The following CAMTA1 variants were observed in gnomAD, a reference collection of about 807,000 sequenced individuals.
CAMTA1 encodes calmodulin binding transcription activator 1.
CAMTA1 carries 27 observed loss-of-function variants against 170.9 expected under a neutral mutation model. The ratio of observed to expected loss-of-function variants is 0.16; its 90% CI spans 0.12 to 0.22. CAMTA1 has a LOEUF of 0.22. Among genes scored for constraint, CAMTA1 ranks in the 10% least tolerant of loss-of-function variants. The pLI is 1.00. For synonymous variants in CAMTA1, 833 were observed against 891.5 expected (o/e 0.93, Z 1.17); for missense variants, 1,619 against 2,217.2 (o/e 0.73, Z 5.42).
At chr1:6,847,544 T>G (rs1025903321) in intron 3 of CAMTA1, among the ~76,000 whole-genome samples, 4 of 137,786 alleles carry the variant, frequency 2.9e-5, no homozygotes, top group Admixed American at 2.2e-4. Flanking sequence ...TTAAATTTTG[T>G]TTTTTTTTTT....
intron 3 of CAMTA1, among the ~76,000 whole-genome samples, chr1:6,923,134 GCACT>G (rs1198307537): frequency 9.9e-5 from 15 of 152,146 alleles, no homozygotes; most frequent in African/African-American, 2.7e-4. Flanking sequence ...TGAATTGCAG[GCACT>G]CACTCTTCAT....
At chr1:7,621,940 C>G (rs80114850) in intron 6 of CAMTA1, among the ~76,000 whole-genome samples, 1 of 152,198 alleles carries the variant, frequency 6.6e-6, no homozygotes, top group African/African-American at 2.4e-5. Context: ...GATAGTGAGG[C>G]GTCTTCTCTG....
intron 6 of CAMTA1, among the ~76,000 whole-genome samples, chr1:7,477,980 T>C (rs1327467242): frequency 2.0e-5 from 3 of 152,260 alleles, no homozygotes; most frequent in African/African-American, 7.2e-5. Flanking sequence ...CAAGTGACTC[T>C]GGCCAACTGA....
chr1:7,694,876 T>G (rs1042304445), intron 11 of CAMTA1: 3 of 152,182 alleles, frequency 2.0e-5, no homozygotes, highest in Admixed American at 1.3e-4. Context: ...CAGGGATCTC[T>G]GAGCCAGGGC....
chr1:7,499,651 G>A (rs530824027), intron 6 of CAMTA1, among the ~76,000 whole-genome samples: 1 of 146,170 alleles, frequency 6.8e-6, no homozygotes, highest in African/African-American at 2.6e-5. Flanking sequence ...GAGTGCATGT[G>A]TATGTGAGTG....
At chr1:7,421,442 C>T (rs1431620158) in intron 5 of CAMTA1, among the ~76,000 whole-genome samples, 5 of 152,234 alleles carry the variant, frequency 3.3e-5, no homozygotes, top group African/African-American at 1.2e-4. Context: ...GTGTGAGCCA[C>T]TATGCCCAGC....
In CAMTA1 at chr1:6,825,051, A is replaced by G. The variant is rs750328495; in HGVS notation, c.116-41A>G. ...GTCAGTGTACTTTAAAGGAGATTTTATCTATTATTTTCTCTAAATTTATTG... is the reference window on the plus strand; with the variant it reads ...GTCAGTGTACTTTAAAGGAGATTTTGTCTATTATTTTCTCTAAATTTATTG... On this transcript the variant is annotated intron_variant, in intron 2 of 22. Transcript: ENST00000303635. The G allele has an allele frequency of 1.5e-5, 18 of 1,172,328 alleles. No individual in the cohort carries two copies. The East Asian group carries it at 3.6e-4, about 23-fold the overall frequency. 72.6% of individuals were successfully genotyped at this position (1,172,328 alleles called of 1,614,324 possible). A position where few individuals can be genotyped will look rare whatever the true frequency, so the allele number is the denominator to read the frequency against.
intron 5 of CAMTA1, among the ~76,000 whole-genome samples, chr1:7,324,863 G>T (rs770806061): frequency 8.6e-5 from 13 of 151,370 alleles, no homozygotes; most frequent in Non-Finnish European, 1.6e-4. Context: ...ATTTTTCAAT[G>T]GTTACCTTAG....
At chr1:7,598,949 T>C (rs1357217241) in intron 6 of CAMTA1, among the ~76,000 whole-genome samples, 1 of 151,928 alleles carries the variant, frequency 6.6e-6, no homozygotes, top group South Asian at 2.1e-4. Context: ...TTTAATGAGA[T>C]CCCATTTGTC....
intron 3 of CAMTA1, among the ~76,000 whole-genome samples, chr1:6,889,483 G>A (rs1051008330): frequency 6.6e-6 from 1 of 152,260 alleles, no homozygotes; most frequent in African/African-American, 2.4e-5. Flanking sequence ...TCAGAGGGAT[G>A]TGGGGAGTAA....
At chr1:6,845,868 A>C (rs943013748) in intron 3 of CAMTA1, among the ~76,000 whole-genome samples, 3 of 152,226 alleles carry the variant, frequency 2.0e-5, no homozygotes, top group Admixed American at 2.0e-4. Flanking sequence ...GACATACCTG[A>C]GACTGGATAA....
chr1:6,830,753 A>G (rs1226367601), intron 3 of CAMTA1, among the ~76,000 whole-genome samples: 1 of 152,144 alleles, frequency 6.6e-6, no homozygotes, highest in African/African-American at 2.4e-5. Context: ...ACTACCTCCA[A>G]AATCAAGACA....
intron 5 of CAMTA1, among the ~76,000 whole-genome samples, chr1:7,360,844 C>T (rs705672): frequency 0.63 from 95,612 of 152,136 alleles, 31,870 homozygotes; most frequent in Non-Finnish European, 0.75. Flanking sequence ...GAGTTGCCTG[C>T]ACCAATTGGC....
At chr1:7,479,910 T>C (rs1251496519) in intron 6 of CAMTA1, among the ~76,000 whole-genome samples, 1 of 144,760 alleles carries the variant, frequency 6.9e-6, no homozygotes, top group Non-Finnish European at 1.5e-5. Flanking sequence ...TATGTGTGTG[T>C]GCATGTGTGT....
At chr1:7,335,124 T>TTGTGTG (rs577353689) in intron 5 of CAMTA1, among the ~76,000 whole-genome samples, 341 of 19,050 alleles carry the variant, frequency 0.018, 40 homozygotes, top group Middle Eastern at 0.033. Flanking sequence ...AGCACAGCTT[T>TTGTGTG]TGTGTGTGTG....
chr1:7,409,937 C>T (rs142722460), intron 5 of CAMTA1, among the ~76,000 whole-genome samples: 148 of 152,008 alleles, frequency 9.7e-4, no homozygotes, highest in African/African-American at 3.4e-3. Flanking sequence ...TGGCCAAGAA[C>T]AGGAGGTCAG....
At chr1:6,808,467 G>A (rs1644780959) in intron 1 of CAMTA1, among the ~76,000 whole-genome samples, 1 of 152,192 alleles carries the variant, frequency 6.6e-6, no homozygotes, top group South Asian at 2.1e-4. Context: ...GCTCACCCAT[G>A]CTCTTGCTGA....
rs2095767711 is a variant in CAMTA1 at position 7,642,208 on chromosome 1, C to T, written c.664+1655C>T. Among the ~76,000 whole-genome samples, 1 of 152,212 alleles carries T rather than the reference C, an allele frequency of 6.6e-6. No individual in the cohort carries two copies. The highest frequency in any genetic ancestry group is 1.5e-5 in the Non-Finnish European group (1 of 68,040). On this transcript the variant is annotated intron_variant, in intron 7 of 22. Coordinates refer to ENST00000303635, the MANE Select transcript of CAMTA1 (RefSeq NM_015215.4). The surrounding 1 kb of genome is among the most constrained non-coding windows in gnomAD (Gnocchi z 6.3). ...GCTTCATCAGGAGGGGCCTCGTGAG[C>T]CTCTTCAAAATGCTGCCGAGCACCG...
Position 7,482,178 on chromosome 1 carries a change from T to TC in CAMTA1, c.510+14283dup. On this transcript the variant is annotated intron_variant, in intron 6 of 22. Coordinates refer to ENST00000303635, the MANE Select transcript of CAMTA1 (RefSeq NM_015215.4). The surrounding 1 kb of genome is among the most constrained non-coding windows in gnomAD (Gnocchi z 4.2). ...TACTGTGTTATTTATGCCTTGTCTATCCCCCCAAGCCCAGCCCCATCCTTC... is the reference window on the plus strand; with the variant it reads ...TACTGTGTTATTTATGCCTTGTCTATCCCCCCCAAGCCCAGCCCCATCCTTC... Among the ~76,000 whole-genome samples, 1 of 152,218 alleles carries TC rather than the reference T, an allele frequency of 6.6e-6. No individual in the cohort carries two copies. Among genetic ancestry groups the TC allele is most frequent in the African/African-American group, 2.4e-5 (1 of 41,512 alleles).
Sources: gnomAD v4.1 joint callset for allele counts (sites outside exome capture counted in the v4.1 genomes callset) on GRCh38, gnomAD v4.1.1 for gene constraint, Gnocchi (gnomAD v3.1) non-coding constraint, MANE v1.5 for transcripts, NCBI Gene and HGNC (gene_info 2026-07-23, HGNC 2026-07-21) for gene names.